The following ALDH8A1 variants were observed in gnomAD, a reference collection of about 807,000 sequenced individuals.
The protein encoded by ALDH8A1 is 2-aminomuconic semialdehyde dehydrogenase.
Under a neutral mutation model 43.3 loss-of-function variants are expected in ALDH8A1, and 39 were observed. The observed-to-expected ratio is 0.90, with a 90% CI of 0.70 to 1.18. The LOEUF (loss-of-function observed/expected upper bound fraction) is 1.18. Among genes scored for constraint, ALDH8A1 ranks in the 50% most tolerant of loss-of-function variants. The probability of loss-of-function intolerance (pLI) is 0.00; values close to 1 mark genes in which losing one functional copy is unlikely to be tolerated. For synonymous variants in ALDH8A1, 233 were observed against 243.5 expected, an observed-to-expected ratio of 0.96 and a Z score of 0.40; for missense variants, 605 against 622.6, an observed-to-expected ratio of 0.97 and a Z score of 0.30.
rs142137228 is a variant in ALDH8A1, at chr6:134,948,141, A to T, written c.138+1775T>A. 2.1e-4 allele frequency among the ~76,000 whole-genome samples: 32 copies of T among 152,344 alleles called. No individual in the cohort carries two copies. The East Asian group carries it at 5.4e-3, about 26-fold the overall frequency. ...GGAGGATATTACGTTAAGTGAAGTA[A>T]GCAAGGCACAAAAATACAAATATTA... On this transcript the variant is annotated intron_variant, in intron 1 of 6. Transcript: ENST00000265605.
chr6:134,950,013 A>G lies in ALDH8A1; in HGVS notation c.41T>C (p.Ile14Thr), dbSNP rs774040778. 6.2e-7 allele frequency: 1 copy of G among 1,613,108 alleles called. No homozygotes were observed. Among genetic ancestry groups the G allele is most frequent in the Non-Finnish European group, 8.5e-7 (1 of 1,179,560 alleles). ...GCTACAAGGTAAAAATTTTCCATCT[A>G]TGAAGTTTTCCAGCATCAAAAGTGC... ...TNALLMLENFIDGKFLPCSSY... is the reference protein window; with the variant it reads ...TNALLMLENFTDGKFLPCSSY... Residue 14 changes from isoleucine to threonine, a missense_variant, in exon 1 of 7, where the codon ATA becomes ACA. Transcript: ENST00000265605.
rs140881171 is a variant in ALDH8A1 at position 134,936,150 on chromosome 6, C to T, written c.592+3116G>A. ...TATTTTGGTAGAGATGGGATTTCAC[C>T]ACGTTAGCCAGGTTGGTCTTGAACT... On this transcript the variant is annotated intron_variant, in intron 4 of 6. Coordinates refer to ENST00000265605, the MANE Select transcript of ALDH8A1 (RefSeq NM_022568.4). Among the ~76,000 whole-genome samples the T allele has an allele frequency of 5.0e-3, 756 of 152,308 alleles. 4 individuals carry two copies. Among genetic ancestry groups the T allele is most frequent in the African/African-American group, 0.017 (706 of 41,556 alleles).
At chr6:134,922,851 G>A (rs1776826795) in intron 6 of ALDH8A1, among the ~76,000 whole-genome samples, 2 of 152,146 alleles carry the variant, frequency 1.3e-5, no homozygotes, top group Admixed American at 6.5e-5. Flanking sequence ...AAAATCAAAA[G>A]TAGTTGATTG....
chr6:134,947,691 C>T (rs147647902), intron 1 of ALDH8A1, among the ~76,000 whole-genome samples: 148 of 151,550 alleles, frequency 9.8e-4, no homozygotes, highest in Middle Eastern at 3.4e-3. Flanking sequence ...AAAACCACAA[C>T]GAGTTATTAT....
chr6:134,949,600 A>G (rs753317839), intron 1 of ALDH8A1, among the ~76,000 whole-genome samples: 11 of 152,180 alleles, frequency 7.2e-5, no homozygotes, highest in Non-Finnish European at 1.3e-4. Flanking sequence ...TATTTAACAA[A>G]GTGATAGCTC....
intron 6 of ALDH8A1, among the ~76,000 whole-genome samples, chr6:134,922,797 T>A (rs541839644): frequency 2.6e-4 from 39 of 152,316 alleles, no homozygotes; most frequent in Admixed American, 9.2e-4. Flanking sequence ...TTAGTTTTAA[T>A]AAGAATAGTT....
At chr6:134,929,262 T>C (rs1776938489) in intron 5 of ALDH8A1, 47 bp from the exon 6 acceptor site, 3 of 1,595,226 alleles carry the variant, frequency 1.9e-6, no homozygotes, top group East Asian at 4.5e-5. Flanking sequence ...CTCTCCTTCA[T>C]GGATAGAGCA....
chr6:134,922,702 T>A (rs1487070938), intron 6 of ALDH8A1, among the ~76,000 whole-genome samples: 3 of 152,144 alleles, frequency 2.0e-5, no homozygotes, highest in Non-Finnish European at 4.4e-5. Flanking sequence ...AGTGAATAAC[T>A]TTTTAACCAT....
At chr6:134,945,045 T>G (rs1292399201) in intron 1 of ALDH8A1, among the ~76,000 whole-genome samples, 1 of 151,472 alleles carries the variant, frequency 6.6e-6, no homozygotes, top group East Asian at 1.9e-4. Flanking sequence ...TCTGAAATTT[T>G]GGGTGAAATC....
chr6:134,940,575 C>A (rs1425229530), intron 3 of ALDH8A1, among the ~76,000 whole-genome samples: 1 of 152,142 alleles, frequency 6.6e-6, no homozygotes, highest in East Asian at 1.9e-4. Flanking sequence ...AATAAAAATT[C>A]TCTCTAGATT....
intron 4 of ALDH8A1, among the ~76,000 whole-genome samples, chr6:134,937,136 A>T (rs904130173): frequency 1.3e-5 from 2 of 152,330 alleles, no homozygotes; most frequent in African/African-American, 4.8e-5. Flanking sequence ...TCCAAGAAGA[A>T]ATGACTATTC....
intron 2 of ALDH8A1, among the ~76,000 whole-genome samples, chr6:134,943,580 C>A (rs1250179531): frequency 2.0e-5 from 3 of 152,186 alleles, no homozygotes; most frequent in Non-Finnish European, 4.4e-5. Flanking sequence ...GAGTATATTT[C>A]TTTGCCCCTC....
intron 6 of ALDH8A1, 104 bp downstream of exon 6, chr6:134,928,950 G>A (rs192516085): frequency 1.5e-6 from 2 of 1,291,970 alleles, no homozygotes; most frequent in Admixed American, 4.7e-5. Context: ...CAAAAATGGG[G>A]TAGTAACTAA....
chr6:134,925,340 C>T (rs1776865733), intron 6 of ALDH8A1, among the ~76,000 whole-genome samples: 1 of 152,148 alleles, frequency 6.6e-6, no homozygotes, highest in African/African-American at 2.4e-5. Flanking sequence ...ATCGGTGATA[C>T]TAGAGGCTCC....
At chr6:134,931,829 C>G (rs1016377174) in intron 5 of ALDH8A1, among the ~76,000 whole-genome samples, 1 of 152,178 alleles carries the variant, frequency 6.6e-6, no homozygotes, top group African/African-American at 2.4e-5. Flanking sequence ...TTGAAAGTAA[C>G]ATTTTTCACT....
chr6:134,934,455 A>G (rs1773694769), intron 4 of ALDH8A1, among the ~76,000 whole-genome samples: 1 of 152,128 alleles, frequency 6.6e-6, no homozygotes, highest in Non-Finnish European at 1.5e-5. Context: ...CTCACAACAC[A>G]TCCCTTCCTA....
chr6:134,935,805 T>C (rs2114696692), intron 4 of ALDH8A1, among the ~76,000 whole-genome samples: 1 of 152,284 alleles, frequency 6.6e-6, no homozygotes, highest in Non-Finnish European at 1.5e-5. Flanking sequence ...ACACTGATGA[T>C]CCATTATCAT....
chr6:134,942,846 C>G (rs1025283658), intron 2 of ALDH8A1, among the ~76,000 whole-genome samples: 10 of 152,176 alleles, frequency 6.6e-5, no homozygotes, highest in African/African-American at 2.4e-4. Context: ...CAGATGCTAC[C>G]ACTTCACCCA....
At chr6:134,923,173 C>T (rs547633956) in intron 6 of ALDH8A1, among the ~76,000 whole-genome samples, 19 of 152,056 alleles carry the variant, frequency 1.2e-4, no homozygotes, top group African/African-American at 3.1e-4. Context: ...ACTACAGGCA[C>T]GCACTACCAC....
Sources: gnomAD v4.1 joint callset for allele counts (sites outside exome capture counted in the v4.1 genomes callset) on GRCh38, gnomAD v4.1.1 for gene constraint, MANE v1.5 for transcripts, NCBI Gene and HGNC (gene_info 2026-07-23, HGNC 2026-07-21) for gene names.